Variants in PALS1 observed in about 807,000 individuals in gnomAD.
PALS1 encodes protein associated with LIN7 1, MAGUK p55 family member.
Under a neutral mutation model 78.9 loss-of-function variants are expected in PALS1, and 31 were observed. The ratio of observed to expected loss-of-function variants is 0.39; its 90% confidence interval spans 0.30 to 0.53. PALS1 has a LOEUF of 0.53. Among genes scored for constraint, PALS1 ranks in the 20% least tolerant of loss-of-function variants. The pLI is 0.67. For synonymous variants in PALS1, 276 were observed against 270.9 expected (o/e 1.02, Z -0.18); for missense variants, 704 against 826.5 (o/e 0.85, Z 1.82).
At chr14:67,315,476 C>CTAAAATACA (rs2085156228) in intron 9 of PALS1, among the ~76,000 whole-genome samples, 1 of 151,934 alleles carries the variant, frequency 6.6e-6, no homozygotes, top group East Asian at 1.9e-4. Flanking sequence ...TGGGGTTTCA[C>CTAAAATACA]CGTGTTAGCC....
chr14:67,303,709 A>G (rs1454770730), intron 8 of PALS1, 110 bp downstream of exon 8: 56 of 745,620 alleles, frequency 7.5e-5, no homozygotes, highest in Non-Finnish European at 4.3e-5. Flanking sequence ...AATAAATTCA[A>G]TCATTTTTAT....
intron 13 of PALS1, among the ~76,000 whole-genome samples, chr14:67,321,962 G>T (rs143841027): frequency 6.6e-6 from 1 of 152,134 alleles, no homozygotes; most frequent in Non-Finnish European, 1.5e-5. Context: ...AAATGCCATT[G>T]TTCAAATATT....
intron 2 of PALS1, among the ~76,000 whole-genome samples, chr14:67,273,422 T>C (rs2084446801): frequency 6.6e-6 from 1 of 152,214 alleles, no homozygotes; most frequent in African/African-American, 2.4e-5. Flanking sequence ...GGTTTCCAGC[T>C]TCATCTTTGT....
At chr14:67,310,366 T>C (rs1361460816) in intron 8 of PALS1, among the ~76,000 whole-genome samples, 1 of 152,240 alleles carries the variant, frequency 6.6e-6, no homozygotes, top group Admixed American at 6.5e-5. Flanking sequence ...CAAGATTATA[T>C]ACTATGCTAT....
Position 67,303,584 on chromosome 14 carries a change from T to G in PALS1, c.1026T>G (p.Pro342=), listed in dbSNP as rs1566564672. The G allele has an allele frequency of 1.2e-6, 2 of 1,613,208 alleles. No individual in the cohort carries two copies. Among genetic ancestry groups the G allele is most frequent in the East Asian group, 4.5e-5 (2 of 44,856 alleles). ...CCAGTCAACAGATCAAGCCGCCTCC[T>G]GCCAAGGAAACAGTAGTAAGTGATT... is the stretch of plus-strand genomic sequence containing the variant. ...LIPSQQIKPP[P]AKETVIHVKA... Residue 342 remains proline (P), a synonymous_variant, in exon 8 of 15, where the codon CCT becomes CCG. Coordinates refer to ENST00000261681, the MANE Select transcript of PALS1 (RefSeq NM_022474.4).
intron 2 of PALS1, among the ~76,000 whole-genome samples, chr14:67,275,314 G>C (rs1208071663): frequency 1.3e-5 from 2 of 152,144 alleles, no homozygotes; most frequent in African/African-American, 4.8e-5. Context: ...AGTTTATTGA[G>C]AGTTTTTAGC....
intron 8 of PALS1, 62 bp downstream of exon 8, chr14:67,303,661 G>A: frequency 1.7e-6 from 2 of 1,160,660 alleles, no homozygotes; most frequent in Non-Finnish European, 2.6e-6. Flanking sequence ...TTCTGTTACT[G>A]TTTACTGTTA....
intron 4 of PALS1, among the ~76,000 whole-genome samples, chr14:67,300,479 C>T (rs1261661483): frequency 6.6e-6 from 1 of 152,138 alleles, no homozygotes; most frequent in Non-Finnish European, 1.5e-5. Flanking sequence ...AGGCACACGC[C>T]ACCACGCCTG....
intron 3 of PALS1, among the ~76,000 whole-genome samples, chr14:67,283,271 G>A (rs1430250906): frequency 1.3e-5 from 2 of 152,114 alleles, no homozygotes; most frequent in Admixed American, 1.3e-4. Flanking sequence ...CATATTTTTT[G>A]TCAGATGTCT....
At chr14:67,286,853 C>G (rs1322806809) in intron 3 of PALS1, among the ~76,000 whole-genome samples, 1 of 107,640 alleles carries the variant, frequency 9.3e-6, no homozygotes, top group Non-Finnish European at 1.7e-5. Flanking sequence ...GAGACCTGGT[C>G]TCAAAAAAAA....
intron 2 of PALS1, among the ~76,000 whole-genome samples, chr14:67,273,265 C>G (rs1171302659): frequency 1.3e-5 from 2 of 151,950 alleles, no homozygotes; most frequent in Admixed American, 6.6e-5. Context: ...ATCGCTCCCC[C>G]CTCCCACCTC....
At position 67,279,203 on chromosome 14, in the gene PALS1, A is replaced by G. The variant is rs751974011; in HGVS notation, c.33A>G (p.Thr11=). 4 of 1,609,312 alleles carry G rather than the reference A, an allele frequency of 2.5e-6. No individual in the cohort carries two copies. In the African/African-American group the frequency reaches 5.4e-5, roughly 22 times the overall value. MTTSHMNGHV[T]EESDSEVKNV... ...CATCCCATATGAATGGGCATGTTAC[A>G]GAGGAATCAGACAGCGAAGTAAAAA... The change falls in exon 3 of 15, where the codon ACA becomes ACG. Residue 11 remains threonine, a synonymous_variant. Coordinates refer to ENST00000261681, the MANE Select transcript of PALS1 (RefSeq NM_022474.4).
chr14:67,328,152 C>T (rs10138035), intron 14 of PALS1, among the ~76,000 whole-genome samples: 7,418 of 152,094 alleles, frequency 0.049, 343 homozygotes, highest in African/African-American at 0.12. Context: ...CTGTTGTTTC[C>T]GACTTTTTAA....
chr14:67,243,718 A>C (rs1445508810), intron 1 of PALS1, among the ~76,000 whole-genome samples: 2 of 149,380 alleles, frequency 1.3e-5, no homozygotes, highest in Admixed American at 6.7e-5. Context: ...GGATGATCTC[A>C]ATCTCCTGAC....
intron 8 of PALS1, among the ~76,000 whole-genome samples, chr14:67,309,638 C>T (rs2085058174): frequency 6.6e-6 from 1 of 152,228 alleles, no homozygotes; most frequent in South Asian, 2.1e-4. Context: ...TTTTGTTGGC[C>T]TATGGCAATG....
chr14:67,248,868 C>T (rs1314629589), intron 1 of PALS1, among the ~76,000 whole-genome samples: 2 of 152,120 alleles, frequency 1.3e-5, no homozygotes, highest in Non-Finnish European at 2.9e-5. Flanking sequence ...CTGTGTTGCT[C>T]AGGCTGGTCT....
At chr14:67,249,594 A>G (rs1332671608) in intron 1 of PALS1, among the ~76,000 whole-genome samples, 2 of 152,242 alleles carry the variant, frequency 1.3e-5, no homozygotes, top group African/African-American at 2.4e-5. Flanking sequence ...AGTATATCTA[A>G]TAAGTTCAAA....
Position 67,279,200 on chromosome 14 carries a change from T to C in PALS1, c.30T>C (p.Val10=). The C allele has an allele frequency of 6.2e-7, 1 of 1,609,058 alleles. No homozygotes were observed. The highest frequency in any genetic ancestry group is 8.5e-7 in the Non-Finnish European group (1 of 1,177,924). The change falls in exon 3 of 15, where the codon GTT becomes GTC. Residue 10 remains valine, a synonymous_variant. Transcript: ENST00000261681. MTTSHMNGH[V]TEESDSEVKN... is the part of the protein sequence containing the mutation. ...CAACATCCCATATGAATGGGCATGT[T>C]ACAGAGGAATCAGACAGCGAAGTAA...
chr14:67,321,735 G>A (rs1052240766), intron 13 of PALS1, among the ~76,000 whole-genome samples: 1 of 152,116 alleles, frequency 6.6e-6, no homozygotes, highest in Non-Finnish European at 1.5e-5. Flanking sequence ...TTCCACTTGT[G>A]CTGTCATGTC....
Sources: gnomAD v4.1 joint callset for allele counts (sites outside exome capture counted in the v4.1 genomes callset) on GRCh38, gnomAD v4.1.1 for gene constraint, MANE v1.5 for transcripts, NCBI Gene and HGNC (gene_info 2026-07-23, HGNC 2026-07-21) for gene names.